Variants in CDH8 observed in about 807,000 individuals in gnomAD.
CDH8 encodes cadherin 8, also known as cadherin-8.
A neutral mutation model predicts 68.1 loss-of-function variants in CDH8; 17 were observed. The ratio of observed to expected loss-of-function variants is 0.25; its 90% CI spans 0.17 to 0.37. CDH8 has a LOEUF of 0.37. CDH8 is among the 10% of genes least tolerant of loss of function. CDH8 has a pLI of 1.00. For missense variants in CDH8, 763 were observed against 999.3 expected, an observed-to-expected ratio of 0.76 and a Z score of 3.19; for synonymous variants, 372 against 365.1, an observed-to-expected ratio of 1.02 and a Z score of -0.21.
intron 8 of CDH8, among the ~76,000 whole-genome samples, chr16:61,748,658 C>A (rs1299484658): frequency 6.6e-6 from 1 of 151,994 alleles, no homozygotes; most frequent in Non-Finnish European, 1.5e-5. Context: ...GTCTCTCATG[C>A]TTACAAACAA....
At chr16:61,739,818 G>A (rs4784157) in intron 8 of CDH8, among the ~76,000 whole-genome samples, 95,014 of 142,938 alleles carry the variant, frequency 0.66, 31,747 homozygotes, top group Middle Eastern at 0.68. Flanking sequence ...CCAACAAGTA[G>A]CAAAACAAAC....
intron 10 of CDH8, among the ~76,000 whole-genome samples, chr16:61,697,801 AG>A (rs1282807803): frequency 6.6e-6 from 1 of 152,160 alleles, no homozygotes; most frequent in Admixed American, 6.5e-5. Flanking sequence ...CCTTCTGGGG[AG>A]TTTTTTTGTT....
intron 2 of CDH8, among the ~76,000 whole-genome samples, chr16:61,968,138 T>C (rs576215623): frequency 6.3e-4 from 96 of 152,324 alleles, no homozygotes; most frequent in Non-Finnish European, 1.1e-3. Context: ...AATGGTTCTT[T>C]AACTGGAATC....
At chr16:61,684,791 T>C (rs772659538) in intron 10 of CDH8, among the ~76,000 whole-genome samples, 44 of 152,052 alleles carry the variant, frequency 2.9e-4, no homozygotes, top group Non-Finnish European at 4.6e-4. Flanking sequence ...AAGTTATTCA[T>C]CTCCCTTATT....
rs1480249299 is a variant in CDH8 at position 61,999,490 on chromosome 16, T to C, written c.252+21662A>G. 3.9e-5 allele frequency among the ~76,000 whole-genome samples: 6 copies of C among 152,150 alleles called. No individual in the cohort carries two copies. The East Asian group carries it at 1.2e-3, about 29-fold the overall frequency. Reference sequence around the variant, plus strand: ...AAGGCTTTGGAGCTAGATAGATGAATGTTAGAGTTCAGCAGATACAGAACA... The same window carrying C: ...AAGGCTTTGGAGCTAGATAGATGAACGTTAGAGTTCAGCAGATACAGAACA... On this transcript the variant is annotated intron_variant, in intron 2 of 11. Coordinates refer to ENST00000577390, the MANE Select transcript of CDH8 (RefSeq NM_001796.5).
chr16:62,030,160 A>G (rs1902290308), intron 1 of CDH8, among the ~76,000 whole-genome samples: 2 of 152,214 alleles, frequency 1.3e-5, no homozygotes, highest in South Asian at 4.1e-4. Context: ...CAGGTGATGG[A>G]TGAGTAGACA....
intron 10 of CDH8, among the ~76,000 whole-genome samples, chr16:61,707,506 AT>A (rs1259109891): frequency 7.2e-5 from 11 of 152,070 alleles, no homozygotes; most frequent in East Asian, 1.9e-4. Context: ...TCCCAAGACA[AT>A]TTTTTTCATG....
intron 2 of CDH8, among the ~76,000 whole-genome samples, chr16:61,955,461 G>A (rs1273034243): frequency 6.6e-6 from 1 of 152,162 alleles, no homozygotes; most frequent in Non-Finnish European, 1.5e-5. Context: ...CATGGCTGCA[G>A]AGGAGTCTCT....
intron 2 of CDH8, among the ~76,000 whole-genome samples, chr16:61,997,143 T>C (rs763120463): frequency 1.3e-5 from 2 of 152,176 alleles, no homozygotes; most frequent in Non-Finnish European, 2.9e-5. Flanking sequence ...AATTTTAATG[T>C]TATTTCCAAG....
At chr16:61,665,830 T>TTCCC (rs1336576120) in intron 10 of CDH8, among the ~76,000 whole-genome samples, 5 of 137,150 alleles carry the variant, frequency 3.6e-5, no homozygotes, top group East Asian at 4.7e-4. Flanking sequence ...CCTTCTCTCC[T>TTCCC]TCCCTCCCTC....
intron 7 of CDH8, among the ~76,000 whole-genome samples, chr16:61,808,725 G>A (rs1261432854): frequency 6.6e-6 from 1 of 152,224 alleles, no homozygotes; most frequent in Admixed American, 6.5e-5. Context: ...GGAGCTGACT[G>A]TTCAACTTAC....
At chr16:61,817,960 C>G (rs539966941) in intron 6 of CDH8, 1 of 416,446 alleles carries the variant, frequency 2.4e-6, no homozygotes, top group East Asian at 3.8e-5. Flanking sequence ...TTTTGTTTTG[C>G]TCATTTCACT....
intron 2 of CDH8, among the ~76,000 whole-genome samples, chr16:61,982,947 G>A (rs753729509): frequency 1.3e-5 from 2 of 152,058 alleles, no homozygotes; most frequent in Non-Finnish European, 2.9e-5. Flanking sequence ...TCTGCTTTTT[G>A]CATATTCACT....
intron 4 of CDH8, among the ~76,000 whole-genome samples, chr16:61,843,733 T>C (rs2143009173): frequency 6.6e-6 from 1 of 152,330 alleles, no homozygotes; most frequent in South Asian, 2.1e-4. Context: ...TTTATAATCC[T>C]TTGGGTATAT....
intron 3 of CDH8, among the ~76,000 whole-genome samples, chr16:61,875,219 T>C (rs1963438644): frequency 6.6e-6 from 1 of 152,216 alleles, no homozygotes; most frequent in South Asian, 2.1e-4. Context: ...TGGCAAATGT[T>C]CTGGTAACAC....
At chr16:61,779,962 T>A (rs1354424145) in intron 8 of CDH8, among the ~76,000 whole-genome samples, 2 of 152,178 alleles carry the variant, frequency 1.3e-5, no homozygotes, top group Non-Finnish European at 2.9e-5. Context: ...TAAGGACATA[T>A]ATTCTGCAGT....
chr16:61,847,017 G>T (rs1962820147), intron 4 of CDH8, among the ~76,000 whole-genome samples: 1 of 152,008 alleles, frequency 6.6e-6, no homozygotes, highest in African/African-American at 2.4e-5. Flanking sequence ...GGGATATATT[G>T]AATATGACAA....
In CDH8 at chr16:61,803,350, C is replaced by T. The variant is rs1328964679; in HGVS notation, c.1278-13868G>A. 8.9e-4 allele frequency among the ~76,000 whole-genome samples: 117 copies of T among 131,742 alleles called. 1 individual carries two copies. The East Asian group carries it at 0.013, about 14-fold the overall frequency. 86.4% of individuals were successfully genotyped at this position (131,742 alleles called of 152,430 possible). A position where few individuals can be genotyped will look rare whatever the true frequency, so the allele number is the denominator to read the frequency against. Reference sequence around the variant, plus strand: ...ATGGAAAGGAACAACCGGTACCAGCCGCTGCAAAATCATGCCAAAATGTAA... The same window carrying T: ...ATGGAAAGGAACAACCGGTACCAGCTGCTGCAAAATCATGCCAAAATGTAA... On this transcript the variant is annotated intron_variant, in intron 7 of 11. Transcript: ENST00000577390.
intron 2 of CDH8, among the ~76,000 whole-genome samples, chr16:62,019,291 T>C (rs573644288): frequency 6.6e-6 from 1 of 152,226 alleles, no homozygotes. Flanking sequence ...GTTCCTAATA[T>C]GTAATAAGGT....
Sources: gnomAD v4.1 joint callset for allele counts (sites outside exome capture counted in the v4.1 genomes callset) on GRCh38, gnomAD v4.1.1 for gene constraint, MANE v1.5 for transcripts, NCBI Gene and HGNC (gene_info 2026-07-23, HGNC 2026-07-21) for gene names.